Variants in HS6ST3 observed in about 807,000 individuals in gnomAD.
HS6ST3 encodes the protein heparan-sulfate 6-O-sulfotransferase 3.
HS6ST3 carries 12 observed loss-of-function variants against 36.7 expected under a neutral mutation model. The ratio of observed to expected loss-of-function variants is 0.33; its 90% CI spans 0.21 to 0.53. The LOEUF (loss-of-function observed/expected upper bound fraction) is 0.53, where lower values mean the gene tolerates loss of function less well. Among genes scored for constraint, HS6ST3 ranks in the 20% least tolerant of loss-of-function variants. HS6ST3 has a pLI of 0.95. For missense variants in HS6ST3, 584 were observed against 640.9 expected, an observed-to-expected ratio of 0.91 and a Z score of 0.96; for synonymous variants, 240 against 257.5, an observed-to-expected ratio of 0.93 and a Z score of 0.65.
At chr13:96,142,466 A>C (rs1207281683) in intron 1 of HS6ST3, among the ~76,000 whole-genome samples, 2 of 152,212 alleles carry the variant, frequency 1.3e-5, no homozygotes, top group Non-Finnish European at 2.9e-5. Flanking sequence ...TCTGGTACCG[A>C]GTCAGTGACT....
intron 1 of HS6ST3, among the ~76,000 whole-genome samples, chr13:96,144,814 C>T (rs2054049242): frequency 9.5e-6 from 1 of 104,714 alleles, no homozygotes; most frequent in Non-Finnish European, 1.8e-5. Context: ...CACCACACAA[C>T]AGGCCCCAGT....
intron 1 of HS6ST3, among the ~76,000 whole-genome samples, chr13:96,296,271 G>A (rs1258488102): frequency 1.3e-5 from 2 of 152,002 alleles, no homozygotes; most frequent in Non-Finnish European, 2.9e-5. Flanking sequence ...ACTTGTAAAA[G>A]GATTTCTCCA....
At chr13:96,193,181 G>T (rs935650279) in intron 1 of HS6ST3, among the ~76,000 whole-genome samples, 4 of 152,158 alleles carry the variant, frequency 2.6e-5, no homozygotes, top group African/African-American at 9.7e-5. Context: ...TTAGGTTTTA[G>T]GTGGGATCTG....
At chr13:96,395,729 TA>T (rs2139454465) in intron 1 of HS6ST3, among the ~76,000 whole-genome samples, 1 of 152,290 alleles carries the variant, frequency 6.6e-6, no homozygotes, top group African/African-American at 2.4e-5. Context: ...GGACAGAATT[TA>T]AAAAATATTT....
At chr13:96,723,572 G>A (rs959348389) in intron 1 of HS6ST3, among the ~76,000 whole-genome samples, 9 of 152,264 alleles carry the variant, frequency 5.9e-5, no homozygotes, top group Non-Finnish European at 1.3e-4. Flanking sequence ...AATGTTTCTC[G>A]CTTCTCATAA....
chr13:96,392,307 A>G (rs1273398848), intron 1 of HS6ST3, among the ~76,000 whole-genome samples: 4 of 152,216 alleles, frequency 2.6e-5, no homozygotes, highest in African/African-American at 7.2e-5. Context: ...TATTCATTCA[A>G]TAATTATTGA....
At chr13:96,287,447 T>C (rs185629827) in intron 1 of HS6ST3, among the ~76,000 whole-genome samples, 1 of 152,322 alleles carries the variant, frequency 6.6e-6, no homozygotes, top group East Asian at 1.9e-4. Context: ...TATAGCTCAA[T>C]ATAAGTCATT....
intron 1 of HS6ST3, among the ~76,000 whole-genome samples, chr13:96,794,910 C>T (rs1464073798): frequency 6.6e-6 from 1 of 152,066 alleles, no homozygotes; most frequent in African/African-American, 2.4e-5. Flanking sequence ...AAGTTTCTTT[C>T]TAGCATTTTT....
intron 1 of HS6ST3, among the ~76,000 whole-genome samples, chr13:96,107,255 A>G (rs561406367): frequency 1.8e-4 from 27 of 152,266 alleles, no homozygotes; most frequent in African/African-American, 6.5e-4. Context: ...TGTAGGAGAT[A>G]ATGGTCAAAG....
At chr13:96,829,226 G>A (rs1878716106) in intron 1 of HS6ST3, among the ~76,000 whole-genome samples, 1 of 152,090 alleles carries the variant, frequency 6.6e-6, no homozygotes, top group African/African-American at 2.4e-5. Context: ...CTGTCCTGAT[G>A]TGATAACATC....
intron 1 of HS6ST3, among the ~76,000 whole-genome samples, chr13:96,093,585 A>T (rs954176067): frequency 5.3e-5 from 8 of 151,406 alleles, no homozygotes; most frequent in Admixed American, 2.0e-4. Context: ...AAAAAAAAAA[A>T]TTTTTTTTTG....
chr13:96,157,317 T>G lies in HS6ST3; in HGVS notation c.707+65748T>G, dbSNP rs1229348438. Among the ~76,000 whole-genome samples the G allele has an allele frequency of 1.8e-4, 28 of 152,144 alleles. 1 individual carries two copies. Among genetic ancestry groups the G allele is most frequent in the Admixed American group, 1.8e-3 (28 of 15,260 alleles). On this transcript the variant is annotated intron_variant, in intron 1 of 1. Coordinates refer to ENST00000376705, the MANE Select transcript of HS6ST3 (RefSeq NM_153456.4). ...ATAATGAAATTACAGAGATTTTAAT[T>G]CCCTAAAGTTTAGAAATGAGGAGAA...
At chr13:96,778,501 G>A (rs1189420580) in intron 1 of HS6ST3, among the ~76,000 whole-genome samples, 1 of 152,156 alleles carries the variant, frequency 6.6e-6, no homozygotes, top group African/African-American at 2.4e-5. Context: ...CCATCAAAAA[G>A]TGGATGAAGG....
chr13:96,369,642 A>T (rs960205387), intron 1 of HS6ST3, among the ~76,000 whole-genome samples: 3 of 152,140 alleles, frequency 2.0e-5, no homozygotes, highest in Non-Finnish European at 4.4e-5. Context: ...ACACAACAAG[A>T]CTGATGAGCA....
chr13:96,782,539 G>C (rs1877550568), intron 1 of HS6ST3, among the ~76,000 whole-genome samples: 1 of 152,162 alleles, frequency 6.6e-6, no homozygotes, highest in South Asian at 2.1e-4. Context: ...TTGTGATACA[G>C]GGAAATGGAG....
At chr13:96,488,913 A>G (rs2055930536) in intron 1 of HS6ST3, among the ~76,000 whole-genome samples, 1 of 151,984 alleles carries the variant, frequency 6.6e-6, no homozygotes, top group Admixed American at 6.6e-5. Flanking sequence ...CTTCTTGGGG[A>G]AAATAGATAT....
chr13:96,484,327 G>A (rs60674552), intron 1 of HS6ST3, among the ~76,000 whole-genome samples: 11,826 of 151,698 alleles, frequency 0.078, 554 homozygotes, highest in African/African-American at 0.12. Context: ...TATGTGCTGA[G>A]AACACATAAT....
intron 1 of HS6ST3, among the ~76,000 whole-genome samples, chr13:96,234,918 A>G (rs941853215): frequency 6.6e-6 from 1 of 152,192 alleles, no homozygotes; most frequent in African/African-American, 2.4e-5. Context: ...AAATAATACT[A>G]TGTCAAATGA....
intron 1 of HS6ST3, among the ~76,000 whole-genome samples, chr13:96,717,733 G>T (rs1875738068): frequency 6.6e-6 from 1 of 152,098 alleles, no homozygotes; most frequent in Non-Finnish European, 1.5e-5. Flanking sequence ...ACCTCTCCTG[G>T]TGTCAAGCTG....
Sources: gnomAD v4.1 joint callset for allele counts (sites outside exome capture counted in the v4.1 genomes callset) on GRCh38, gnomAD v4.1.1 for gene constraint, MANE v1.5 for transcripts, NCBI Gene and HGNC (gene_info 2026-07-23, HGNC 2026-07-21) for gene names.